Variants in SLMAP observed in about 807,000 individuals in gnomAD.
SLMAP encodes the protein sarcolemma associated protein.
In SLMAP, 44 loss-of-function variants were observed where a neutral mutation model predicts 128.8. The ratio of observed to expected loss-of-function variants is 0.34; its 90% confidence interval spans 0.27 to 0.44. The LOEUF is 0.44. Among genes scored for constraint, SLMAP ranks in the 20% least tolerant of loss-of-function variants. The probability of loss-of-function intolerance (pLI) is 1.00; values close to 1 mark genes in which losing one functional copy is unlikely to be tolerated. For synonymous variants in SLMAP, 327 were observed against 348.8 expected (o/e 0.94, Z 0.70); for missense variants, 787 against 985.3 (o/e 0.80, Z 2.69).
At chr3:57,837,721 C>CT (rs2093707313) in intron 3 of SLMAP, among the ~76,000 whole-genome samples, 1 of 152,146 alleles carries the variant, frequency 6.6e-6, no homozygotes, top group African/African-American at 2.4e-5. Context: ...CCCTCAGATC[C>CT]TTTTTTGTAA....
intron 14 of SLMAP, among the ~76,000 whole-genome samples, chr3:57,872,152 A>G (rs2095494357): frequency 6.6e-6 from 1 of 152,198 alleles, no homozygotes. Flanking sequence ...AATATTTTAA[A>G]GAGGCCAGGC....
chr3:57,848,056 A>T (rs915566234), intron 5 of SLMAP, among the ~76,000 whole-genome samples: 4 of 152,232 alleles, frequency 2.6e-5, no homozygotes, highest in Admixed American at 2.6e-4. Flanking sequence ...TATTAATTAA[A>T]GTATACTTTC....
At chr3:57,836,526 T>TG (rs1050565014) in intron 3 of SLMAP, among the ~76,000 whole-genome samples, 3 of 152,234 alleles carry the variant, frequency 2.0e-5, no homozygotes, top group African/African-American at 7.2e-5. Context: ...TTTATAGAGA[T>TG]GGGGCCTCAC....
chr3:57,851,241 G>T (rs1354014396), intron 6 of SLMAP, among the ~76,000 whole-genome samples: 1 of 152,054 alleles, frequency 6.6e-6, no homozygotes, highest in Non-Finnish European at 1.5e-5. Flanking sequence ...ACTGTGCTGT[G>T]CTGCTGGATT....
intron 2 of SLMAP, among the ~76,000 whole-genome samples, chr3:57,761,395 A>G (rs1009445656): frequency 7.2e-5 from 11 of 152,078 alleles, no homozygotes; most frequent in African/African-American, 2.4e-4. Context: ...TCTGGATTCA[A>G]GAGATTCTCC....
chr3:57,872,121 T>A (rs2153618376), intron 14 of SLMAP, among the ~76,000 whole-genome samples: 1 of 152,180 alleles, frequency 6.6e-6, no homozygotes. Flanking sequence ...CCGTGGGAAG[T>A]TGTAAAAGGC....
intron 2 of SLMAP, among the ~76,000 whole-genome samples, chr3:57,806,306 T>C (rs1333977468): frequency 6.6e-6 from 1 of 151,898 alleles, no homozygotes; most frequent in East Asian, 1.9e-4. Context: ...GAACATGCGG[T>C]GTTTGGTTTT....
At chr3:57,836,081 T>G (rs1011579043) in intron 3 of SLMAP, among the ~76,000 whole-genome samples, 1 of 152,138 alleles carries the variant, frequency 6.6e-6, no homozygotes, top group Non-Finnish European at 1.5e-5. Context: ...CTATAAGATA[T>G]AATGTTGAGT....
At position 57,827,584 on chromosome 3, in the gene SLMAP, C is replaced by G. The variant is rs74709825; in HGVS notation, c.199-3799C>G. ...TTAAAACCTTAAAACAATGAAAGTG[C>G]TGCTGTTGAACTTTCACCTTAAGCC... is the stretch of plus-strand genomic sequence containing the variant. On this transcript the variant is annotated intron_variant, in intron 2 of 24. Coordinates refer to ENST00000671191, the MANE Select transcript of SLMAP (RefSeq NM_001377540.1). Among the ~76,000 whole-genome samples the G allele has an allele frequency of 4.8e-3, 738 of 152,300 alleles. 3 individuals are homozygous for G. The highest frequency in any genetic ancestry group is 7.4e-3 in the Admixed American group (113 of 15,300).
chr3:57,779,969 C>T (rs2082682054), intron 2 of SLMAP, among the ~76,000 whole-genome samples: 1 of 151,624 alleles, frequency 6.6e-6, no homozygotes, highest in Admixed American at 6.6e-5. Flanking sequence ...TATTTATATG[C>T]TTATATTTAT....
intron 22 of SLMAP, among the ~76,000 whole-genome samples, chr3:57,921,188 G>A (rs1266722695): frequency 6.6e-6 from 1 of 152,124 alleles, no homozygotes; most frequent in Non-Finnish European, 1.5e-5. Flanking sequence ...TTAAAGTAGG[G>A]GTAAGCCATA....
chr3:57,778,483 T>G (rs1036431164), intron 2 of SLMAP, among the ~76,000 whole-genome samples: 2 of 151,496 alleles, frequency 1.3e-5, no homozygotes, highest in African/African-American at 4.8e-5. Flanking sequence ...TTCTATTTCC[T>G]GAATTTTTGT....
At chr3:57,765,068 AT>A (rs2079412078) in intron 2 of SLMAP, among the ~76,000 whole-genome samples, 1 of 152,178 alleles carries the variant, frequency 6.6e-6, no homozygotes, top group Non-Finnish European at 1.5e-5. Flanking sequence ...AAGAGGAAGA[AT>A]GGCCAGGAAC....
At chr3:57,821,646 G>C (rs1487246039) in intron 2 of SLMAP, among the ~76,000 whole-genome samples, 1 of 152,070 alleles carries the variant, frequency 6.6e-6, no homozygotes, top group Non-Finnish European at 1.5e-5. Context: ...AACAAATCAT[G>C]GGTCTCCTTA....
At chr3:57,806,246 C>A (rs933228425) in intron 2 of SLMAP, among the ~76,000 whole-genome samples, 3 of 151,890 alleles carry the variant, frequency 2.0e-5, no homozygotes, top group Non-Finnish European at 4.4e-5. Context: ...TGTGTTGTTC[C>A]CCTCCCTGTG....
intron 23 of SLMAP, among the ~76,000 whole-genome samples, chr3:57,923,312 C>T (rs2096948851): frequency 6.6e-6 from 1 of 152,186 alleles, no homozygotes; most frequent in African/African-American, 2.4e-5. Context: ...GAGTCTGAAG[C>T]TCTGTCACTA....
At chr3:57,760,002 C>T (rs942450548) in intron 2 of SLMAP, among the ~76,000 whole-genome samples, 10 of 152,162 alleles carry the variant, frequency 6.6e-5, no homozygotes, top group Non-Finnish European at 1.3e-4. Flanking sequence ...TGCAGTGGCG[C>T]AACCTCAGCT....
rs543217196 is a variant in SLMAP, at chr3:57,909,267, C to T, written c.1699+117C>T. 1.5e-4 allele frequency: 104 copies of T among 692,822 alleles called. No individual in the cohort carries two copies. The African/African-American group carries it at 1.7e-3, about 12-fold the overall frequency. The allele number at this position is 692,822 out of a possible 1,614,324, so 42.9% of individuals were successfully genotyped here. ...CCTGCAATCCCAGCATTTGGGAGGC[C>T]GAGAAGGGTGGATCTCCTGAGGTCA... On this transcript the variant is annotated intron_variant, in intron 19 of 24. Transcript: ENST00000671191.
chr3:57,756,842 C>T lies in SLMAP; in HGVS notation c.-810C>T, dbSNP rs1269107256. 1 of 152,310 alleles carries T rather than the reference C, an allele frequency of 6.6e-6. No homozygotes were observed. Among genetic ancestry groups the T allele is most frequent in the Admixed American group, 6.5e-5 (1 of 15,292 alleles). 9.4% of individuals were successfully genotyped at this position (152,310 alleles called of 1,614,324 possible). ...GGAACTCGAGCCTCCCGGTGTCGCG[C>T]CTCGCTCGGTCCGCACCGGCCTGCG... is the stretch of plus-strand genomic sequence containing the variant. On this transcript the variant is annotated 5_prime_UTR_variant, in exon 2 of 25. Transcript: ENST00000671191.
Sources: allele counts gnomAD v4.1 joint callset (sites outside exome capture counted in the v4.1 genomes callset), GRCh38; gene constraint gnomAD v4.1.1; transcripts MANE v1.5; gene names NCBI Gene and HGNC (gene_info 2026-07-23, HGNC 2026-07-21).